Variants in CNTN4 observed in about 807,000 individuals in gnomAD.
The protein encoded by CNTN4 is contactin 4, also known as contactin-4.
Under a neutral mutation model 122.5 loss-of-function variants are expected in CNTN4, and 77 were observed. That is an observed-to-expected ratio of 0.63 (90% CI 0.52 to 0.76). The LOEUF is 0.76. Ranked by LOEUF, CNTN4 falls within the 30% of genes least tolerant of loss-of-function variation. The probability of loss-of-function intolerance (pLI) is 0.00; values close to 1 mark genes in which losing one functional copy is unlikely to be tolerated. For missense variants in CNTN4, 1,256 were observed against 1,259.1 expected (o/e 1.00, Z 0.04); for synonymous variants, 512 against 447.0 (o/e 1.15, Z -1.83).
At chr3:2,595,995 C>T (rs2080752667) in intron 4 of CNTN4, among the ~76,000 whole-genome samples, 1 of 152,132 alleles carries the variant, frequency 6.6e-6, no homozygotes, top group Non-Finnish European at 1.5e-5. Flanking sequence ...TGGTTTTTCT[C>T]TTCTAAGAGT....
At chr3:2,806,721 C>T (rs1339480680) in intron 6 of CNTN4, among the ~76,000 whole-genome samples, 1 of 152,180 alleles carries the variant, frequency 6.6e-6, no homozygotes, top group Non-Finnish European at 1.5e-5. Flanking sequence ...ATGACTTCCA[C>T]ATCAGTTATA....
chr3:2,427,494 T>C (rs1280255355), intron 3 of CNTN4, among the ~76,000 whole-genome samples: 2 of 152,100 alleles, frequency 1.3e-5, no homozygotes, highest in Non-Finnish European at 2.9e-5. Flanking sequence ...ACTTCCAACT[T>C]TGTGGTCAAT....
At chr3:2,915,866 C>G (rs987175387) in intron 12 of CNTN4, among the ~76,000 whole-genome samples, 1 of 152,156 alleles carries the variant, frequency 6.6e-6, no homozygotes, top group Non-Finnish European at 1.5e-5. Flanking sequence ...ACTATTATTT[C>G]TGTTATGTAT....
At chr3:2,253,875 AT>A (rs11299514) in intron 2 of CNTN4, among the ~76,000 whole-genome samples, 150,334 of 152,016 alleles carry the variant, frequency 0.99, 74,365 homozygotes, top group Middle Eastern at 1. Context: ...TTGCTTTCTG[AT>A]TTTTTTTTAA....
At chr3:2,722,050 T>A (rs2087890205) in intron 4 of CNTN4, among the ~76,000 whole-genome samples, 1 of 152,164 alleles carries the variant, frequency 6.6e-6, no homozygotes, top group African/African-American at 2.4e-5. Context: ...CATCTCAGCC[T>A]CCAGAACTGT....
At chr3:3,038,618 C>G (rs1353052533) in intron 18 of CNTN4, among the ~76,000 whole-genome samples, 2 of 152,222 alleles carry the variant, frequency 1.3e-5, no homozygotes, top group Non-Finnish European at 2.9e-5. Context: ...AACATTAGGA[C>G]CAGACTTCAG....
intron 10 of CNTN4, among the ~76,000 whole-genome samples, chr3:2,889,350 A>G (rs1196529190): frequency 6.6e-6 from 1 of 152,226 alleles, no homozygotes; most frequent in Non-Finnish European, 1.5e-5. Flanking sequence ...GTCTTCAAGA[A>G]TATTAAAGGA....
At chr3:2,304,964 G>A (rs1369823525) in intron 2 of CNTN4, among the ~76,000 whole-genome samples, 2 of 151,538 alleles carry the variant, frequency 1.3e-5, no homozygotes, top group African/African-American at 2.4e-5. Context: ...ACTAATAAGG[G>A]CAAAACTGAG....
chr3:2,965,942 A>T (rs1168430743), intron 13 of CNTN4, among the ~76,000 whole-genome samples: 1 of 152,212 alleles, frequency 6.6e-6, no homozygotes, highest in Non-Finnish European at 1.5e-5. Context: ...AGGATACTCT[A>T]TAGATACATA....
intron 3 of CNTN4, among the ~76,000 whole-genome samples, chr3:2,476,205 T>C (rs1225656749): frequency 1.3e-5 from 2 of 152,168 alleles, no homozygotes; most frequent in East Asian, 3.8e-4. Flanking sequence ...TGGATGACAA[T>C]GAGTAGTTCA....
intron 4 of CNTN4, among the ~76,000 whole-genome samples, chr3:2,647,541 T>C (rs763639943): frequency 3.9e-5 from 6 of 152,204 alleles, no homozygotes; most frequent in Non-Finnish European, 8.8e-5. Context: ...ATCAGATTCA[T>C]GTAATAGAAA....
intron 6 of CNTN4, among the ~76,000 whole-genome samples, chr3:2,761,894 A>G (rs147027779): frequency 1.7e-3 from 256 of 152,294 alleles, no homozygotes; most frequent in Non-Finnish European, 2.6e-3. Flanking sequence ...ATAATCAAGT[A>G]CCTTTGGGCA....
intron 20 of CNTN4, 29 bp downstream of exon 20, chr3:3,040,300 C>A: frequency 6.7e-7 from 1 of 1,481,848 alleles, no homozygotes; most frequent in South Asian, 1.1e-5. Flanking sequence ...AGATCATTGA[C>A]TGTTAATATT....
At chr3:2,755,893 A>C (rs1301824168) in intron 6 of CNTN4, among the ~76,000 whole-genome samples, 1 of 152,226 alleles carries the variant, frequency 6.6e-6, no homozygotes, top group Non-Finnish European at 1.5e-5. Context: ...AAAAAAACCA[A>C]GGTACTAAAA....
At chr3:2,446,454 T>C (rs2048629098) in intron 3 of CNTN4, among the ~76,000 whole-genome samples, 1 of 152,202 alleles carries the variant, frequency 6.6e-6, no homozygotes, top group Non-Finnish European at 1.5e-5. Flanking sequence ...CACTGTCCCA[T>C]TTAACTGGCA....
Position 2,872,428 on chromosome 3 carries a change from G to A in CNTN4, c.652+5479G>A, listed in dbSNP as rs562970670. Among the ~76,000 whole-genome samples, 8 of 152,024 alleles carry A rather than the reference G, an allele frequency of 5.3e-5. No individual in the cohort carries two copies. In the South Asian group the frequency reaches 1.5e-3, roughly 28 times the overall value. On this transcript the variant is annotated intron_variant, in intron 8 of 24. Coordinates refer to ENST00000418658, the MANE Select transcript of CNTN4 (RefSeq NM_175607.3). The stretch of plus-strand genomic sequence containing the variant: ...TTGCCTTTTTTTCTGTTTTCCTGGA[G>A]ACTGGTTGGGGACTGGTTTGGAAGG...
intron 12 of CNTN4, among the ~76,000 whole-genome samples, chr3:2,912,812 A>C (rs536555814): frequency 6.6e-6 from 1 of 152,234 alleles, no homozygotes; most frequent in Non-Finnish European, 1.5e-5. Flanking sequence ...ATAATATACA[A>C]GAAGAGAAAT....
intron 4 of CNTN4, among the ~76,000 whole-genome samples, chr3:2,700,040 C>T (rs750356357): frequency 1.3e-5 from 2 of 151,992 alleles, no homozygotes; most frequent in South Asian, 2.1e-4. Context: ...TGTCCTTCTG[C>T]CTACCCTAAT....
At chr3:2,522,046 T>C (rs2077236407) in intron 3 of CNTN4, among the ~76,000 whole-genome samples, 1 of 152,118 alleles carries the variant, frequency 6.6e-6, no homozygotes. Flanking sequence ...CTCTGCTTTT[T>C]AATTAAACAC....
Sources: allele counts gnomAD v4.1 joint callset (sites outside exome capture counted in the v4.1 genomes callset), GRCh38; gene constraint gnomAD v4.1.1; transcripts MANE v1.5; gene names NCBI Gene and HGNC (gene_info 2026-07-23, HGNC 2026-07-21).